MAGI2: variants seen among roughly 807,000 people sequenced by gnomAD.
MAGI2 encodes the protein membrane-associated guanylate kinase, WW and PDZ domain-containing protein 2.
MAGI2 carries 35 observed loss-of-function variants against 133.3 expected under a neutral mutation model. The ratio of observed to expected loss-of-function variants is 0.26; its 90% CI spans 0.20 to 0.35. MAGI2 has a LOEUF of 0.35. Ranked by LOEUF, MAGI2 falls within the 10% of genes least tolerant of loss-of-function variation. The pLI is 1.00. For synonymous variants in MAGI2, 729 were observed against 710.6 expected, an observed-to-expected ratio of 1.03 and a Z score of -0.41; for missense variants, 1,636 against 1,863.4, an observed-to-expected ratio of 0.88 and a Z score of 2.25.
intron 1 of MAGI2, among the ~76,000 whole-genome samples, chr7:79,039,863 A>G (rs953067829): frequency 8.9e-5 from 13 of 145,376 alleles, no homozygotes; most frequent in Non-Finnish European, 1.7e-4. Context: ...TATTATATAT[A>G]TATAATATAT....
intron 1 of MAGI2, among the ~76,000 whole-genome samples, chr7:79,024,014 C>G (rs954801149): frequency 2.0e-4 from 31 of 152,190 alleles, no homozygotes; most frequent in African/African-American, 7.5e-4. Context: ...CAAAAAGGAT[C>G]TCCAATAGCC....
At chr7:79,002,373 G>A (rs529224624) in intron 2 of MAGI2, among the ~76,000 whole-genome samples, 67 of 151,802 alleles carry the variant, frequency 4.4e-4, no homozygotes, top group African/African-American at 1.6e-3. Flanking sequence ...CAAACTTCTG[G>A]GCTCAAGTTC....
chr7:78,354,742 G>A (rs1791887136), intron 7 of MAGI2, among the ~76,000 whole-genome samples: 1 of 152,148 alleles, frequency 6.6e-6, no homozygotes. Context: ...AGAATGGGAT[G>A]CAAGAGGGAT....
At chr7:79,211,844 T>C (rs1477433441) in intron 1 of MAGI2, among the ~76,000 whole-genome samples, 1 of 151,972 alleles carries the variant, frequency 6.6e-6, no homozygotes, top group Non-Finnish European at 1.5e-5. Flanking sequence ...AGAAGTAATA[T>C]GGTGTAATAG....
chr7:78,249,431 C>T (rs1006607838), intron 10 of MAGI2, among the ~76,000 whole-genome samples: 6 of 152,058 alleles, frequency 3.9e-5, no homozygotes, highest in Admixed American at 1.3e-4. Context: ...AAGTACTATT[C>T]GCAATAGCCA....
intron 2 of MAGI2, among the ~76,000 whole-genome samples, chr7:78,950,665 T>C (rs1430688688): frequency 6.6e-6 from 1 of 152,148 alleles, no homozygotes; most frequent in Non-Finnish European, 1.5e-5. Flanking sequence ...ATAATGATAA[T>C]ACTAAAACAC....
intron 1 of MAGI2, among the ~76,000 whole-genome samples, chr7:79,228,661 G>A (rs1459010657): frequency 6.6e-6 from 1 of 152,034 alleles, no homozygotes; most frequent in African/African-American, 2.4e-5. Context: ...AGAAGCGTAA[G>A]TCAGATTGTT....
intron 6 of MAGI2, among the ~76,000 whole-genome samples, chr7:78,419,193 C>A (rs1798568771): frequency 6.6e-6 from 1 of 152,100 alleles, no homozygotes; most frequent in African/African-American, 2.4e-5. Flanking sequence ...TTAGTCCTAG[C>A]ATACTATAGT....
At chr7:78,622,681 C>A (rs1174163083) in intron 3 of MAGI2, among the ~76,000 whole-genome samples, 4 of 151,956 alleles carry the variant, frequency 2.6e-5, no homozygotes, top group Admixed American at 1.3e-4. Context: ...TGAAGAAATG[C>A]AGCAATTTTT....
chr7:79,021,054 C>T (rs1366246123), intron 1 of MAGI2, among the ~76,000 whole-genome samples: 1 of 152,334 alleles, frequency 6.6e-6, no homozygotes, highest in Admixed American at 6.5e-5. Context: ...ATGCCCCAAG[C>T]CTTGTCAGCT....
intron 2 of MAGI2, among the ~76,000 whole-genome samples, chr7:78,683,981 T>A (rs1445239969): frequency 1.3e-5 from 2 of 152,174 alleles, no homozygotes; most frequent in African/African-American, 4.8e-5. Flanking sequence ...TTAACGGGGC[T>A]TCTCCCAGTG....
chr7:79,025,324 G>T (rs1809770866), intron 1 of MAGI2, among the ~76,000 whole-genome samples: 1 of 152,072 alleles, frequency 6.6e-6, no homozygotes, highest in Non-Finnish European at 1.5e-5. Flanking sequence ...ACAAAGAAGG[G>T]AACAACACAC....
At chr7:78,553,341 A>G (rs931334277) in intron 3 of MAGI2, among the ~76,000 whole-genome samples, 3 of 152,198 alleles carry the variant, frequency 2.0e-5, no homozygotes, top group African/African-American at 4.8e-5. Flanking sequence ...TTTCTCATCA[A>G]TGAAATAAAT....
intron 21 of MAGI2, among the ~76,000 whole-genome samples, chr7:78,070,170 CACACATATATATATATATATATATATAT>C (rs1814376316): frequency 2.1e-4 from 18 of 86,942 alleles, no homozygotes; most frequent in Non-Finnish European, 2.0e-4. Flanking sequence ...TATACACACA[CACACATATATATATATATATATATATAT>C]ATATATATAT....
intron 1 of MAGI2, among the ~76,000 whole-genome samples, chr7:79,392,881 G>A (rs1347251178): frequency 2.6e-5 from 4 of 152,054 alleles, no homozygotes; most frequent in African/African-American, 4.8e-5. Context: ...CAAACTAAAC[G>A]ACCATTCACC....
chr7:78,586,248 A>T (rs563048699), intron 3 of MAGI2, among the ~76,000 whole-genome samples: 1 of 152,298 alleles, frequency 6.6e-6, no homozygotes, highest in African/African-American at 2.4e-5. Context: ...AACTCTATGC[A>T]ATTAGTGTCT....
chr7:78,747,524 GA>G (rs147444342), intron 2 of MAGI2, among the ~76,000 whole-genome samples: 12 of 148,650 alleles, frequency 8.1e-5, no homozygotes, highest in East Asian at 2.0e-4. Flanking sequence ...GACTAAACCA[GA>G]AAAAAAAAAT....
At chr7:78,260,571 A>ATT (rs1793422840) in intron 9 of MAGI2, among the ~76,000 whole-genome samples, 1 of 152,196 alleles carries the variant, frequency 6.6e-6, no homozygotes, top group South Asian at 2.1e-4. Context: ...TCTCCATAAA[A>ATT]ATAAGAAGAT....
chr7:79,079,657 C>T (rs1222487775), intron 1 of MAGI2, among the ~76,000 whole-genome samples: 1 of 152,042 alleles, frequency 6.6e-6, no homozygotes, highest in African/African-American at 2.4e-5. Context: ...CATATCTAGA[C>T]ATGAAACTAG....
Sources: allele counts gnomAD v4.1 joint callset (sites outside exome capture counted in the v4.1 genomes callset), GRCh38; gene constraint gnomAD v4.1.1; transcripts MANE v1.5; gene names NCBI Gene and HGNC (gene_info 2026-07-23, HGNC 2026-07-21).